ARHGAP8: variants seen among roughly 807,000 people sequenced by gnomAD.
The protein encoded by ARHGAP8 is Rho GTPase activating protein 8.
Under a neutral mutation model 46.1 loss-of-function variants are expected in ARHGAP8, and 62 were observed. That is an observed-to-expected ratio of 1.34 (90% confidence interval 1.10 to 1.66). ARHGAP8 has a LOEUF of 1.66. ARHGAP8 is among the 40% of genes most tolerant of loss of function. The pLI is 0.00. For missense variants in ARHGAP8, 923 were observed against 568.4 expected, an observed-to-expected ratio of 1.62 and a Z score of -6.34; for synonymous variants, 375 against 243.1, an observed-to-expected ratio of 1.54 and a Z score of -5.05.
chr22:44,753,567 T>G (rs1924422976), intron 1 of ARHGAP8, among the ~76,000 whole-genome samples: 1 of 134,912 alleles, frequency 7.4e-6, no homozygotes, highest in Non-Finnish European at 1.5e-5. Context: ...TCGGAGGTCG[T>G]CAGGAAGGCA....
At chr22:44,754,661 G>A (rs1051943340) in intron 1 of ARHGAP8, among the ~76,000 whole-genome samples, 1 of 152,004 alleles carries the variant, frequency 6.6e-6, no homozygotes, top group Admixed American at 6.6e-5. Flanking sequence ...CACCACACCC[G>A]GCCGAGTCAT....
chr22:44,838,282 C>T (rs1201832667), intron 7 of ARHGAP8, among the ~76,000 whole-genome samples: 2 of 152,102 alleles, frequency 1.3e-5, no homozygotes. Flanking sequence ...GGATTACAGG[C>T]ACGTGCCACC....
chr22:44,851,274 C>T (rs908212153), intron 10 of ARHGAP8, among the ~76,000 whole-genome samples: 2 of 152,128 alleles, frequency 1.3e-5, no homozygotes, highest in African/African-American at 2.4e-5. Flanking sequence ...TCCTGCTACC[C>T]GTCTTAGGTT....
chr22:44,788,130 T>A (rs1927413490), intron 2 of ARHGAP8, among the ~76,000 whole-genome samples: 1 of 151,164 alleles, frequency 6.6e-6, no homozygotes, highest in Non-Finnish European at 1.5e-5. Context: ...TTTATTATTG[T>A]TATTTTGAGA....
At chr22:44,753,073 C>T (rs1265329414) in intron 1 of ARHGAP8, among the ~76,000 whole-genome samples, 1 of 151,970 alleles carries the variant, frequency 6.6e-6, no homozygotes, top group Admixed American at 6.6e-5. Context: ...CCCCCACACA[C>T]CCCAAACCTA....
At chr22:44,758,694 C>T (rs1268502209) in intron 1 of ARHGAP8, among the ~76,000 whole-genome samples, 1 of 151,804 alleles carries the variant, frequency 6.6e-6, no homozygotes, top group African/African-American at 2.4e-5. Context: ...GCCGGGAGGC[C>T]GGTGTGCCAG....
chr22:44,849,807 A>G (rs1984935481), intron 10 of ARHGAP8: 1 of 152,236 alleles, frequency 6.6e-6, no homozygotes, highest in Admixed American at 6.5e-5. Context: ...GAATCTTAAA[A>G]TCAATGTTTC....
chr22:44,764,108 G>A (rs1299335131), intron 1 of ARHGAP8, among the ~76,000 whole-genome samples: 2 of 152,084 alleles, frequency 1.3e-5, no homozygotes, highest in Non-Finnish European at 2.9e-5. Flanking sequence ...CACCGCGCCC[G>A]GCCATGATTT....
At chr22:44,814,889 T>G in intron 5 of ARHGAP8, 131 bp downstream of exon 5, 1 of 1,075,108 alleles carries the variant, frequency 9.3e-7, no homozygotes, top group Non-Finnish European at 1.3e-6. Flanking sequence ...TGGGGCTCCC[T>G]ACCCGCCCTG....
At chr22:44,846,216 A>T (rs546959247) in intron 8 of ARHGAP8, among the ~76,000 whole-genome samples, 1 of 151,978 alleles carries the variant, frequency 6.6e-6, no homozygotes, top group Non-Finnish European at 1.5e-5. Flanking sequence ...TCACATTTCC[A>T]TCTGGCGGGG....
chr22:44,754,888 T>G lies in ARHGAP8; in HGVS notation c.-72+2261T>G, dbSNP rs572018451. Among the ~76,000 whole-genome samples the G allele has an allele frequency of 7.2e-5, 11 of 152,122 alleles. No individual in the cohort carries two copies. In the East Asian group the frequency reaches 2.1e-3, roughly 29 times the overall value. On this transcript the variant is annotated intron_variant, in intron 1 of 11. Transcript: ENST00000356099. ...TCCCATTCCCTGATTTTACCCTCAT[T>G]TCACTGATAGGGAAACTGAGGCACA...
chr22:44,841,227 T>G (rs1734099586), intron 7 of ARHGAP8, among the ~76,000 whole-genome samples: 2 of 95,004 alleles, frequency 2.1e-5, no homozygotes, highest in Admixed American at 1.3e-4. Flanking sequence ...GAGTAAAGTT[T>G]CCATGTATTT....
chr22:44,857,033 C>T lies in ARHGAP8; in HGVS notation c.878-2698C>T, dbSNP rs1336625723. 2.8e-5 allele frequency among the ~76,000 whole-genome samples: 4 copies of T among 142,468 alleles called. 1 individual carries two copies. The highest frequency in any genetic ancestry group is 2.2e-4 in the South Asian group (1 of 4,608). 93.5% of individuals were successfully genotyped at this position (142,468 alleles called of 152,430 possible). A position where few individuals can be genotyped will look rare whatever the true frequency, so the allele number is the denominator to read the frequency against. On this transcript the variant is annotated intron_variant, in intron 10 of 11. Coordinates refer to ENST00000356099, the MANE Select transcript of ARHGAP8 (RefSeq NM_181335.3). ...TCGGCTCACTGCAACCTCTGCCTCCCGGGTTCAAATGACTCTGTTGCCTCA... is the reference window on the plus strand; with the variant it reads ...TCGGCTCACTGCAACCTCTGCCTCCTGGGTTCAAATGACTCTGTTGCCTCA...
At chr22:44,764,685 G>A (rs1925413840) in intron 1 of ARHGAP8, among the ~76,000 whole-genome samples, 1 of 152,188 alleles carries the variant, frequency 6.6e-6, no homozygotes, top group African/African-American at 2.4e-5. Flanking sequence ...GATGCTCGCT[G>A]GGGTGGTCCT....
rs770333915 is a variant in ARHGAP8 at position 44,862,278 on chromosome 22, T to G, written c.985T>G (p.Ser329Ala). 1.3e-5 allele frequency: 21 copies of G among 1,589,400 alleles called. No individual in the cohort carries two copies. Among genetic ancestry groups the G allele is most frequent in the Admixed American group, 1.0e-4 (6 of 59,042 alleles). Reference protein sequence around the residue: ...RYLMGFLHAVSRESIFNKMNS... With the variant: ...RYLMGFLHAVARESIFNKMNS... The stretch of plus-strand genomic sequence containing the variant: ...ACTTGTGTGTGGTTTCCTCCAGGTG[T>G]CCCGGGAGAGCATCTTCAACAAAAT... Residue 329 changes from serine to alanine, a missense_variant, in exon 12 of 12, where the codon TCC becomes GCC. Ser to Ala is a moderately conservative substitution (Grantham distance 99). Transcript: ENST00000356099.
At chr22:44,785,361 A>T (rs185350892) in intron 1 of ARHGAP8, among the ~76,000 whole-genome samples, 1 of 152,036 alleles carries the variant, frequency 6.6e-6, no homozygotes, top group East Asian at 1.9e-4. Flanking sequence ...CACCAGTCCA[A>T]AGTCAAGGTG....
rs761638111 is a variant in ARHGAP8 at position 44,862,563 on chromosome 22, A to G, written c.1270A>G (p.Ser424Gly). Residue 424 changes from serine to glycine, a missense_variant, in exon 12 of 12, where the codon AGT becomes GGT. Coordinates refer to ENST00000356099, the MANE Select transcript of ARHGAP8 (RefSeq NM_181335.3). ...TGLTKPTLPP[S>G]PLMAARRRL ...CCTCACCAAGCCTACCCTACCTCCGAGTCCCCTGATGGCAGCCAGAAGACG... is the reference window on the plus strand; with the variant it reads ...CCTCACCAAGCCTACCCTACCTCCGGGTCCCCTGATGGCAGCCAGAAGACG... The G allele has an allele frequency of 1.1e-5, 18 of 1,596,516 alleles. No individual in the cohort carries two copies. The African/African-American group carries it at 2.3e-4, about 20-fold the overall frequency.
chr22:44,859,951 TCG>T, intron 11 of ARHGAP8, 117 bp downstream of exon 11: 8 of 1,207,672 alleles, frequency 6.6e-6, no homozygotes, highest in Non-Finnish European at 9.1e-6. Flanking sequence ...TGCTTGGGCC[TCG>T]GAATACCACT....
At chr22:44,793,730 C>G (rs1195945427) in intron 2 of ARHGAP8, among the ~76,000 whole-genome samples, 2 of 152,160 alleles carry the variant, frequency 1.3e-5, no homozygotes, top group Non-Finnish European at 2.9e-5. Flanking sequence ...GTGTTGTAAA[C>G]AGCGAGGGGA....
Sources: gnomAD v4.1 joint callset for allele counts (sites outside exome capture counted in the v4.1 genomes callset) on GRCh38, gnomAD v4.1.1 for gene constraint, MANE v1.5 for transcripts, NCBI Gene and HGNC (gene_info 2026-07-23, HGNC 2026-07-21) for gene names.